Variants in ZFAT observed in about 807,000 individuals in gnomAD.
The protein encoded by ZFAT is zinc finger and AT-hook domain containing, also known as zinc finger protein ZFAT.
In ZFAT, 64 loss-of-function variants were observed where a neutral mutation model predicts 117.7. That is an observed-to-expected ratio of 0.54 (90% CI 0.44 to 0.67). The LOEUF (loss-of-function observed/expected upper bound fraction) is 0.67, where lower values mean the gene tolerates loss of function less well. Ranked by LOEUF, ZFAT falls within the 30% of genes least tolerant of loss-of-function variation. The pLI, the probability that ZFAT is intolerant of heterozygous loss-of-function variation, is 0.00. For missense variants in ZFAT, 1,433 were observed against 1,584.5 expected, an observed-to-expected ratio of 0.90 and a Z score of 1.62; for synonymous variants, 679 against 615.0, an observed-to-expected ratio of 1.10 and a Z score of -1.54.
intron 2 of ZFAT, among the ~76,000 whole-genome samples, chr8:134,641,063 C>T (rs1042215217): frequency 7.9e-5 from 12 of 152,154 alleles, no homozygotes; most frequent in Non-Finnish European, 1.5e-4. Flanking sequence ...TGCCTGCACA[C>T]GGTGTCCAGA....
intron 1 of ZFAT, among the ~76,000 whole-genome samples, chr8:134,697,193 C>T (rs1314915475): frequency 6.6e-6 from 1 of 152,132 alleles, no homozygotes; most frequent in Admixed American, 6.5e-5. Flanking sequence ...CGGCTTACTG[C>T]AACCTCCGCC....
intron 11 of ZFAT, among the ~76,000 whole-genome samples, chr8:134,559,691 T>C (rs572680134): frequency 1.1e-4 from 17 of 152,234 alleles, no homozygotes; most frequent in Non-Finnish European, 2.5e-4. Flanking sequence ...CAATGGAGCA[T>C]GCTTGCAAAC....
At chr8:134,721,554 C>T in the ZFAT span, among the ~76,000 whole-genome samples, 4 of 152,160 alleles carry the variant, frequency 2.6e-5, no homozygotes, top group Admixed American at 6.5e-5. Context: ...CCCGACGGCT[C>T]GCCATTTCTC....
At chr8:134,712,821 ACC>A in intron 1 of ZFAT, 22 bp downstream of exon 1, 1 of 669,100 alleles carries the variant, frequency 1.5e-6, no homozygotes, top group Non-Finnish European at 2.0e-6. Flanking sequence ...ACCCCGTCTC[ACC>A]CCAACCCCCA....
the ZFAT span, among the ~76,000 whole-genome samples, chr8:134,805,704 G>A: frequency 4.6e-5 from 7 of 152,192 alleles, no homozygotes; most frequent in African/African-American, 1.7e-4. Context: ...CAGGCACAGT[G>A]GCTCATGTCT....
chr8:134,599,707 A>T, intron 7 of ZFAT: 1 of 440,820 alleles, frequency 2.3e-6, no homozygotes, highest in East Asian at 7.0e-5. Context: ...ATAAAAAGGC[A>T]TTCAATTAAA....
the ZFAT span, among the ~76,000 whole-genome samples, chr8:134,808,479 C>T: frequency 2.0e-5 from 3 of 152,126 alleles, no homozygotes; most frequent in African/African-American, 7.2e-5. Context: ...TCAGGCAGGC[C>T]CACTATCTAG....
chr8:134,668,939 G>A (rs1486904115), intron 1 of ZFAT, among the ~76,000 whole-genome samples: 2 of 152,198 alleles, frequency 1.3e-5, no homozygotes, highest in Non-Finnish European at 2.9e-5. Flanking sequence ...CATGGCAGGA[G>A]AACTACATGA....
At chr8:134,515,761 C>T (rs1820209962) in intron 13 of ZFAT, among the ~76,000 whole-genome samples, 1 of 152,106 alleles carries the variant, frequency 6.6e-6, no homozygotes, top group African/African-American at 2.4e-5. Flanking sequence ...TAGGTTGAAT[C>T]ATGGCCAGAC....
intron 10 of ZFAT, among the ~76,000 whole-genome samples, chr8:134,566,799 T>G (rs376649919): frequency 6.6e-6 from 1 of 152,208 alleles, no homozygotes; most frequent in African/African-American, 2.4e-5. Flanking sequence ...GTCTGTATGT[T>G]ACTGGATGAC....
chr8:134,791,197 C>A, the ZFAT span, among the ~76,000 whole-genome samples: 1 of 152,228 alleles, frequency 6.6e-6, no homozygotes, highest in African/African-American at 2.4e-5. Flanking sequence ...AACTTCAACT[C>A]TTTCTCACAG....
At chr8:134,563,340 A>G (rs1223863850) in intron 11 of ZFAT, among the ~76,000 whole-genome samples, 4 of 152,224 alleles carry the variant, frequency 2.6e-5, no homozygotes, top group Non-Finnish European at 5.9e-5. Flanking sequence ...GAGAACATGT[A>G]GTGAGAAAAG....
At chr8:134,649,880 G>A (rs1831129870) in intron 2 of ZFAT, among the ~76,000 whole-genome samples, 1 of 67,910 alleles carries the variant, frequency 1.5e-5, no homozygotes, top group African/African-American at 7.6e-5. Flanking sequence ...GTGGGACCAG[G>A]TGGATGTAAT....
intron 15 of ZFAT, among the ~76,000 whole-genome samples, chr8:134,499,336 G>A (rs1208103363): frequency 6.9e-6 from 1 of 145,382 alleles, no homozygotes; most frequent in Non-Finnish European, 1.5e-5. Context: ...GGGTGGAGCT[G>A]GGATGCCCCA....
intron 2 of ZFAT, among the ~76,000 whole-genome samples, chr8:134,653,424 T>G (rs1273648340): frequency 2.2e-5 from 3 of 135,456 alleles, no homozygotes; most frequent in East Asian, 2.1e-4. Flanking sequence ...TATCTGTTTT[T>G]TTTTTTTTTT....
the ZFAT span, among the ~76,000 whole-genome samples, chr8:134,781,777 T>C: frequency 3.9e-5 from 6 of 152,162 alleles, no homozygotes; most frequent in African/African-American, 1.4e-4. Context: ...CTCAGCCTAC[T>C]CAACGTGAAC....
intron 15 of ZFAT, among the ~76,000 whole-genome samples, chr8:134,479,965 T>G (rs1284243783): frequency 2.6e-5 from 4 of 151,028 alleles, no homozygotes; most frequent in African/African-American, 7.3e-5. Context: ...TTTTTTTTTT[T>G]TTTTTGGAGA....
At chr8:134,649,184 C>T (rs1288203189) in intron 2 of ZFAT, among the ~76,000 whole-genome samples, 2 of 151,186 alleles carry the variant, frequency 1.3e-5, no homozygotes, top group Non-Finnish European at 2.9e-5. Flanking sequence ...CACACACACA[C>T]ACACACACAC....
Position 134,601,495 on chromosome 8 carries a change from G to C in ZFAT, c.2224C>G (p.Leu742Val), listed in dbSNP as rs774126517. The C allele has an allele frequency of 3.7e-6, 6 of 1,612,558 alleles. No individual in the cohort carries two copies. Among genetic ancestry groups the C allele is most frequent in the South Asian group, 1.1e-5 (1 of 90,858 alleles). ...TCCTTACCACAGTATTCACACTCCAGGTCTCCATAAACCTTCCGGATCCGC... is the reference window on the plus strand; with the variant it reads ...TCCTTACCACAGTATTCACACTCCACGTCTCCATAAACCTTCCGGATCCGC... ...CERIRKVYGDLECEYCGKLFW... is the reference protein window; with the variant it reads ...CERIRKVYGDVECEYCGKLFW... Residue 742 changes from leucine to valine, a missense_variant, in exon 6 of 16, where the codon CTG becomes GTG. Around this residue, in one of 5 missense-constraint regions of ZFAT, gnomAD observed 372 missense variants for 355.6 expected, o/e 1.05. Transcript: ENST00000377838.
Sources: allele counts gnomAD v4.1 joint callset (sites outside exome capture counted in the v4.1 genomes callset), GRCh38; gene constraint gnomAD v4.1.1; regional missense constraint gnomAD v4.1.1; transcripts MANE v1.5; gene names NCBI Gene and HGNC (gene_info 2026-07-23, HGNC 2026-07-21).